Variants in SPPL2A observed in about 807,000 individuals in gnomAD.
SPPL2A encodes signal peptide peptidase like 2A.
Under a neutral mutation model 63.8 loss-of-function variants are expected in SPPL2A, and 51 were observed. The observed-to-expected ratio is 0.80, with a 90% CI of 0.64 to 1.01. The LOEUF is 1.01. Ranked by LOEUF, SPPL2A falls within the 50% of genes least tolerant of loss-of-function variation. The probability of loss-of-function intolerance (pLI) is 0.00; values close to 1 mark genes in which losing one functional copy is unlikely to be tolerated. For missense variants in SPPL2A, 553 were observed against 622.7 expected, an observed-to-expected ratio of 0.89 and a Z score of 1.19; for synonymous variants, 188 against 205.8, an observed-to-expected ratio of 0.91 and a Z score of 0.74.
intron 1 of SPPL2A, among the ~76,000 whole-genome samples, chr15:50,754,328 C>T (rs1186293798): frequency 6.6e-6 from 1 of 152,090 alleles, no homozygotes; most frequent in Non-Finnish European, 1.5e-5. Context: ...GGTGTACATC[C>T]TATGGGTTTT....
At chr15:50,756,525 T>C (rs560928357) in intron 1 of SPPL2A, among the ~76,000 whole-genome samples, 1 of 152,044 alleles carries the variant, frequency 6.6e-6, no homozygotes, top group Non-Finnish European at 1.5e-5. Context: ...TAATAAACTG[T>C]GGTCTGGTCT....
At chr15:50,732,540 G>A (rs1417868584) in intron 9 of SPPL2A, 63 bp downstream of exon 9, 4 of 973,694 alleles carry the variant, frequency 4.1e-6, no homozygotes, top group Non-Finnish European at 4.6e-6. Context: ...GGTAAATTAT[G>A]CCTTAATAAA....
intron 1 of SPPL2A, among the ~76,000 whole-genome samples, chr15:50,752,416 T>C (rs1373207579): frequency 6.6e-6 from 1 of 151,830 alleles, no homozygotes; most frequent in African/African-American, 2.4e-5. Context: ...ACCCCGTCTC[T>C]ACTAAAAATA....
chr15:50,749,281 C>G (rs1297116719), intron 2 of SPPL2A, among the ~76,000 whole-genome samples: 1 of 151,958 alleles, frequency 6.6e-6, no homozygotes, highest in Non-Finnish European at 1.5e-5. Flanking sequence ...TTGTACACAG[C>G]CTTCTTCACT....
chr15:50,710,382 A>T (rs538628409), intron 14 of SPPL2A, among the ~76,000 whole-genome samples: 44 of 152,328 alleles, frequency 2.9e-4, no homozygotes, highest in African/African-American at 8.7e-4. Context: ...TATATTAATT[A>T]AAAAAACCAC....
At chr15:50,740,674 G>C (rs1046592963) in intron 5 of SPPL2A, among the ~76,000 whole-genome samples, 1 of 151,806 alleles carries the variant, frequency 6.6e-6, no homozygotes, top group Non-Finnish European at 1.5e-5. Flanking sequence ...GCAGTGGCGC[G>C]ATCTCTGCTC....
At chr15:50,723,853 C>T (rs1398302755) in intron 12 of SPPL2A, among the ~76,000 whole-genome samples, 1 of 152,148 alleles carries the variant, frequency 6.6e-6, no homozygotes, top group African/African-American at 2.4e-5. Context: ...ATTTGTTGAA[C>T]CTTTTCTTCT....
At chr15:50,759,242 T>C (rs900827075) in intron 1 of SPPL2A, among the ~76,000 whole-genome samples, 1 of 152,152 alleles carries the variant, frequency 6.6e-6, no homozygotes, top group East Asian at 1.9e-4. Context: ...ATAAATAAAG[T>C]TCACAAATTT....
Position 50,747,484 on chromosome 15 carries a change from A to G in SPPL2A, c.584+11T>C. The G allele has an allele frequency of 1.3e-6, 2 of 1,592,554 alleles. No homozygotes were observed. The highest frequency in any genetic ancestry group is 1.7e-6 in the Non-Finnish European group (2 of 1,174,060). Reference sequence around the variant, plus strand: ...ATTTATTACAAAAACGCTTAAGTTAATTAAACTTACAATTCAACTAGTCCA... The same window carrying G: ...ATTTATTACAAAAACGCTTAAGTTAGTTAAACTTACAATTCAACTAGTCCA... On this transcript the variant is annotated intron_variant, in intron 5 of 14. Coordinates refer to ENST00000261854, the MANE Select transcript of SPPL2A (RefSeq NM_032802.4).
chr15:50,718,543 A>G (rs1188253800), intron 14 of SPPL2A, among the ~76,000 whole-genome samples: 1 of 152,198 alleles, frequency 6.6e-6, no homozygotes, highest in Non-Finnish European at 1.5e-5. Flanking sequence ...TAGAAAAGTT[A>G]AAAGTTACCT....
rs557479664 is a variant in SPPL2A at position 50,764,281 on chromosome 15, T to C, written c.66+1187A>G. Among the ~76,000 whole-genome samples, 11 of 152,164 alleles carry C rather than the reference T, an allele frequency of 7.2e-5. No homozygotes were observed. The South Asian group carries it at 2.3e-3, about 32-fold the overall frequency. On this transcript the variant is annotated intron_variant, in intron 1 of 14. Coordinates refer to ENST00000261854, the MANE Select transcript of SPPL2A (RefSeq NM_032802.4). ...GAATATCTTTTGGACATAAGTATTA[T>C]CTGTCTGATTACACAGTAAACACCT...
In SPPL2A at chr15:50,703,357, T is replaced by TATATATATATATATA. The variant is rs1491091833; in HGVS notation, c.*4442_*4443insTATATATATATATAT. 2 of 58,062 alleles carry TATATATATATATATA rather than the reference T, an allele frequency of 3.4e-5. No homozygotes were observed. The highest frequency in any genetic ancestry group is 1.4e-4 in the African/African-American group (2 of 14,268). 3.6% of individuals were successfully genotyped at this position (58,062 alleles called of 1,614,324 possible). A position where few individuals can be genotyped will look rare whatever the true frequency, so the allele number is the denominator to read the frequency against. ...ATATATATATATATACATATATATATTTTTTTTTTTTTTTTTTTTTTTTGA... is the reference window on the plus strand; with the variant it reads ...ATATATATATATATACATATATATATATATATATATATATATTTTTTTTTTTTTTTTTTTTTTTGA... On this transcript the variant is annotated 3_prime_UTR_variant, in exon 15 of 15. Coordinates refer to ENST00000261854, the MANE Select transcript of SPPL2A (RefSeq NM_032802.4).
intron 2 of SPPL2A, 32 bp downstream of exon 2, chr15:50,749,602 TTA>T: frequency 7.4e-7 from 1 of 1,356,156 alleles, no homozygotes; most frequent in Non-Finnish European, 1.1e-6. Flanking sequence ...TTCACTATTT[TTA>T]TGTTTATGAA....
At chr15:50,724,459 TC>T (rs1251828454) in intron 12 of SPPL2A, among the ~76,000 whole-genome samples, 1 of 151,870 alleles carries the variant, frequency 6.6e-6, no homozygotes. Context: ...GCGCCTGTAG[TC>T]CCAGTTACTC....
In SPPL2A at chr15:50,707,854, A is replaced by C; in HGVS notation, c.1509T>G (p.Cys503Trp). 1 of 1,596,558 alleles carries C rather than the reference A, an allele frequency of 6.3e-7. No individual in the cohort carries two copies. The highest frequency in any genetic ancestry group is 8.6e-7 in the Non-Finnish European group (1 of 1,164,004). The change falls in exon 15 of 15, where the codon TGT becomes TGG. Residue 503 changes from cysteine to tryptophan, a missense_variant. Physicochemically the swap from Cys to Trp is radical, Grantham distance 215. Coordinates refer to ENST00000261854, the MANE Select transcript of SPPL2A (RefSeq NM_032802.4). ...NSYQMMDHLD[C>W]ATNEENPVIS... Reference sequence around the variant, plus strand: ...TCACAGGGTTTTCTTCATTTGTTGCACAATCCAAATGGTCCATCATCTAGG... The same window carrying C: ...TCACAGGGTTTTCTTCATTTGTTGCCCAATCCAAATGGTCCATCATCTAGG...
Position 50,747,504 on chromosome 15 carries a change from A to T in SPPL2A, c.575T>A (p.Leu192Gln), listed in dbSNP as rs2062867496. 5.6e-6 allele frequency: 9 copies of T among 1,603,552 alleles called. No homozygotes were observed. The East Asian group carries it at 2.0e-4, about 36-fold the overall frequency. Reference protein sequence around the residue: ...TVALGGYWSGLVELENLKAVT... With the variant: ...TVALGGYWSGQVELENLKAVT... ...AGTTAATTAAACTTACAATTCAACTAGTCCACTCCAGTATCCACCTAATGC... is the reference window on the plus strand; with the variant it reads ...AGTTAATTAAACTTACAATTCAACTTGTCCACTCCAGTATCCACCTAATGC... Residue 192 changes from leucine to glutamine, a missense_variant, in exon 5 of 15, where the codon CTA (leucine) becomes CAA (glutamine). Leu to Gln is a moderately radical substitution (Grantham distance 113, BLOSUM62 -2). Coordinates refer to ENST00000261854, the MANE Select transcript of SPPL2A (RefSeq NM_032802.4).
At chr15:50,740,839 C>T (rs2141044476) in intron 5 of SPPL2A, among the ~76,000 whole-genome samples, 1 of 152,206 alleles carries the variant, frequency 6.6e-6, no homozygotes, top group African/African-American at 2.4e-5. Context: ...TCGAACTGAG[C>T]TCAGGCAAAC....
At chr15:50,749,518 C>T in intron 2 of SPPL2A, 118 bp downstream of exon 2, 1 of 694,218 alleles carries the variant, frequency 1.4e-6, no homozygotes. Context: ...GATCTCCTGA[C>T]CTCATGATCC....
chr15:50,750,663 A>G (rs1443298795), intron 1 of SPPL2A, among the ~76,000 whole-genome samples: 2 of 152,248 alleles, frequency 1.3e-5, no homozygotes, highest in African/African-American at 2.4e-5. Context: ...AGAGGTAAGA[A>G]GTGATTGGAA....
Sources: allele counts gnomAD v4.1 joint callset (sites outside exome capture counted in the v4.1 genomes callset), GRCh38; gene constraint gnomAD v4.1.1; transcripts MANE v1.5; gene names NCBI Gene and HGNC (gene_info 2026-07-23, HGNC 2026-07-21).